THADA: variants seen among roughly 807,000 people sequenced by gnomAD.
The protein encoded by THADA is tRNA (32-2'-O)-methyltransferase regulator THADA.
A neutral mutation model predicts 219.8 loss-of-function variants in THADA; 213 were observed. The observed-to-expected ratio is 0.97, with a 90% CI of 0.87 to 1.09. The LOEUF (loss-of-function observed/expected upper bound fraction) is 1.09. Ranked by LOEUF, THADA falls within the 50% of genes least tolerant of loss-of-function variation. The pLI is 0.00. For synonymous variants in THADA, 1,018 were observed against 828.9 expected, an observed-to-expected ratio of 1.23 and a Z score of -3.92; for missense variants, 2,956 against 2,311.3, an observed-to-expected ratio of 1.28 and a Z score of -5.72.
chr2:43,475,591 T>G (rs1685438308), intron 26 of THADA, among the ~76,000 whole-genome samples: 1 of 152,198 alleles, frequency 6.6e-6, no homozygotes, highest in South Asian at 2.1e-4. Flanking sequence ...AGATTAGCTC[T>G]GAACCAGGGA....
Position 43,428,376 on chromosome 2 carries a change from G to C in THADA, c.3927-145C>G, listed in dbSNP as rs1021803674. The C allele has an allele frequency of 7.1e-6, 5 of 702,232 alleles. No homozygotes were observed. The South Asian group carries it at 8.9e-5, about 13-fold the overall frequency. 43.5% of individuals were successfully genotyped at this position (702,232 alleles called of 1,614,324 possible). On this transcript the variant is annotated intron_variant, in intron 27 of 37. Coordinates refer to ENST00000405975, the MANE Select transcript of THADA (RefSeq NM_022065.5). Reference sequence around the variant, plus strand: ...TAATCCCAGCACTTTGGGAGGCCGAGGCGGATGGATCACGTGAGGTCAGGA... The same window carrying C: ...TAATCCCAGCACTTTGGGAGGCCGACGCGGATGGATCACGTGAGGTCAGGA...
intron 26 of THADA, among the ~76,000 whole-genome samples, chr2:43,445,329 C>CCATCTCTGATTCTGCTCTTGGAAT (rs1275547553): frequency 8.5e-5 from 13 of 152,276 alleles, no homozygotes; most frequent in Admixed American, 8.5e-4. Flanking sequence ...ATCAGGAAGC[C>CCATCTCTGATTCTGCTCTTGGAAT]CATCTCTGAT....
At chr2:43,594,404 AC>A (rs1701921405) in intron 1 of THADA, among the ~76,000 whole-genome samples, 1 of 152,024 alleles carries the variant, frequency 6.6e-6, no homozygotes, top group African/African-American at 2.4e-5. Context: ...ACATGGTGAA[AC>A]CCCGTCTGCA....
chr2:43,535,085 C>T (rs1694377921), intron 21 of THADA, among the ~76,000 whole-genome samples: 1 of 151,254 alleles, frequency 6.6e-6, no homozygotes, highest in African/African-American at 2.4e-5. Context: ...ATTTGCATTT[C>T]CCTGATTTGT....
At chr2:43,412,869 C>T (rs1305258459) in intron 28 of THADA, among the ~76,000 whole-genome samples, 1 of 152,134 alleles carries the variant, frequency 6.6e-6, no homozygotes, top group Non-Finnish European at 1.5e-5. Flanking sequence ...TTAACTTCTT[C>T]CTAAATCCCT....
intron 31 of THADA, among the ~76,000 whole-genome samples, chr2:43,312,208 CA>C (rs35043804): frequency 0.34 from 40,042 of 117,754 alleles, 5,401 homozygotes; most frequent in South Asian, 0.48. Flanking sequence ...GACAAAGCTG[CA>C]AAAAAAAAAA....
At chr2:43,473,857 C>T (rs968001629) in intron 26 of THADA, among the ~76,000 whole-genome samples, 5 of 152,188 alleles carry the variant, frequency 3.3e-5, no homozygotes, top group African/African-American at 1.2e-4. Flanking sequence ...GATCCATCTG[C>T]CTCGGCCTCC....
chr2:43,262,080 T>C (rs1245375565), intron 36 of THADA, among the ~76,000 whole-genome samples: 2 of 152,238 alleles, frequency 1.3e-5, no homozygotes, highest in Non-Finnish European at 2.9e-5. Flanking sequence ...CTTGTAAATT[T>C]AGGCTTATCT....
chr2:43,374,463 A>G (rs1181235931), intron 29 of THADA, among the ~76,000 whole-genome samples: 2 of 152,208 alleles, frequency 1.3e-5, no homozygotes, highest in Non-Finnish European at 2.9e-5. Context: ...TTTGACCCAG[A>G]GTTAGTGCAA....
At chr2:43,530,137 T>A (rs1013642950) in intron 21 of THADA, among the ~76,000 whole-genome samples, 6 of 152,012 alleles carry the variant, frequency 3.9e-5, no homozygotes, top group Admixed American at 3.9e-4. Flanking sequence ...AAAAAAGCAG[T>A]ATATAATAAT....
At chr2:43,453,968 C>T (rs1056348530) in intron 26 of THADA, among the ~76,000 whole-genome samples, 5 of 152,172 alleles carry the variant, frequency 3.3e-5, no homozygotes, top group Non-Finnish European at 5.9e-5. Context: ...AGTCATGGCT[C>T]ACCGGGCTCA....
chr2:43,485,547 G>A (rs1291113838), intron 25 of THADA, among the ~76,000 whole-genome samples: 1 of 151,960 alleles, frequency 6.6e-6, no homozygotes. Context: ...ACACAACACA[G>A]CCTTTTCCTA....
chr2:43,443,370 A>G (rs1681092358), intron 26 of THADA, among the ~76,000 whole-genome samples: 1 of 152,248 alleles, frequency 6.6e-6, no homozygotes, highest in South Asian at 2.1e-4. Flanking sequence ...TTGAGTTAAT[A>G]AAATGAGTAC....
intron 30 of THADA, among the ~76,000 whole-genome samples, chr2:43,328,321 A>G (rs1437973394): frequency 6.6e-6 from 1 of 152,206 alleles, no homozygotes; most frequent in East Asian, 1.9e-4. Flanking sequence ...GGCTACCAGG[A>G]CTGCTCGTTT....
At chr2:43,516,561 G>C (rs774242910) in intron 22 of THADA, among the ~76,000 whole-genome samples, 3 of 152,072 alleles carry the variant, frequency 2.0e-5, no homozygotes, top group Non-Finnish European at 2.9e-5. Flanking sequence ...ATACCTTCTA[G>C]TACATGCAAA....
chr2:43,444,427 C>T (rs544872465), intron 26 of THADA, among the ~76,000 whole-genome samples: 1 of 152,186 alleles, frequency 6.6e-6, no homozygotes, highest in Non-Finnish European at 1.5e-5. Flanking sequence ...GCTGCTACTC[C>T]AGCTATTTCA....
chr2:43,517,739 T>C (rs915607177), intron 22 of THADA, among the ~76,000 whole-genome samples: 6 of 152,162 alleles, frequency 3.9e-5, no homozygotes, highest in Non-Finnish European at 5.9e-5. Context: ...CCATAAATAT[T>C]AATGTGTGTA....
intron 20 of THADA, among the ~76,000 whole-genome samples, chr2:43,544,784 A>G (rs1695803444): frequency 6.6e-6 from 1 of 151,730 alleles, no homozygotes; most frequent in Non-Finnish European, 1.5e-5. Context: ...GGCTGAGAAA[A>G]TGGGGTTTTC....
intron 7 of THADA, among the ~76,000 whole-genome samples, chr2:43,584,722 A>T (rs1700827326): frequency 6.6e-6 from 1 of 152,386 alleles, no homozygotes; most frequent in South Asian, 2.1e-4. Flanking sequence ...GCCAGGGAAC[A>T]AGCCCAGAAG....
Sources: gnomAD v4.1 joint callset for allele counts (sites outside exome capture counted in the v4.1 genomes callset) on GRCh38, gnomAD v4.1.1 for gene constraint, MANE v1.5 for transcripts, NCBI Gene and HGNC (gene_info 2026-07-23, HGNC 2026-07-21) for gene names.